The following JAKMIP1 variants were observed in gnomAD, a reference collection of about 807,000 sequenced individuals.
JAKMIP1 encodes the protein janus kinase and microtubule interacting protein 1, also known as janus kinase and microtubule-interacting protein 1.
In JAKMIP1, 33 loss-of-function variants were observed where a neutral mutation model predicts 113.0. The observed-to-expected ratio is 0.29, with a 90% CI of 0.22 to 0.39. JAKMIP1 has a LOEUF of 0.39. Among genes scored for constraint, JAKMIP1 ranks in the 10% least tolerant of loss-of-function variants. JAKMIP1 has a pLI of 1.00. For missense variants in JAKMIP1, 813 were observed against 1,080.5 expected, an observed-to-expected ratio of 0.75 and a Z score of 3.47; for synonymous variants, 480 against 459.9, an observed-to-expected ratio of 1.04 and a Z score of -0.56.
At chr4:6,171,075 AC>A (rs57219329) in intron 1 of JAKMIP1, among the ~76,000 whole-genome samples, 69,968 of 145,690 alleles carry the variant, frequency 0.48, 18,381 homozygotes, top group East Asian at 0.8. Flanking sequence ...CATCACCACC[AC>A]CCCCATTACC....
At position 6,069,613 on chromosome 4, in the gene JAKMIP1, T is replaced by A. The variant is rs1578146711; in HGVS notation, c.1303-4605A>T. On this transcript the variant is annotated intron_variant, in intron 8 of 20. Transcript: ENST00000409021. This position sits in a 1 kb window ranked among gnomAD's most constrained non-coding sequence, Gnocchi z 4.5. ...AAAGTTATTTAAAAAGTTAGCCGAGTATGGTGGCTGACGCCTGTAGTCCCA... is the reference window on the plus strand; with the variant it reads ...AAAGTTATTTAAAAAGTTAGCCGAGAATGGTGGCTGACGCCTGTAGTCCCA... 1.3e-5 allele frequency among the ~76,000 whole-genome samples: 2 copies of A among 151,752 alleles called. No individual in the cohort carries two copies. The highest frequency in any genetic ancestry group is 6.8e-3 in the Middle Eastern group (2 of 294).
intron 8 of JAKMIP1, chr4:6,070,021 A>G: frequency 2.5e-6 from 1 of 398,646 alleles, no homozygotes; most frequent in Non-Finnish European, 4.4e-6. Context: ...ACCGCCAGAG[A>G]ACCTCAAAAC....
intron 16 of JAKMIP1, 109 bp downstream of exon 16, chr4:6,048,748 G>A (rs1715297808): frequency 1.0e-5 from 9 of 862,230 alleles, no homozygotes; most frequent in East Asian, 2.5e-5. Context: ...AGACGCAGAC[G>A]GACTGGAACG....
intron 1 of JAKMIP1, among the ~76,000 whole-genome samples, chr4:6,196,491 GT>G (rs1364281263): frequency 6.6e-6 from 1 of 152,228 alleles, no homozygotes; most frequent in Non-Finnish European, 1.5e-5. Flanking sequence ...TGGGGTCACT[GT>G]CTGAGCCTCC....
In JAKMIP1 at chr4:6,142,586, A is replaced by G. The variant is rs537466656; in HGVS notation, c.-147-29589T>C. On this transcript the variant is annotated intron_variant, in intron 1 of 20. Coordinates refer to ENST00000409021, the MANE Select transcript of JAKMIP1 (RefSeq NM_001099433.2). The surrounding 1 kb of genome is among the most constrained non-coding windows in gnomAD (Gnocchi z 5.5). The stretch of plus-strand genomic sequence containing the variant: ...ATCAGAATTCCAACCCTAAATCCTT[A>G]AAATATAGCTGGAGTCTCTGCTCTC... Among the ~76,000 whole-genome samples, 35 of 152,294 alleles carry G rather than the reference A, an allele frequency of 2.3e-4. No homozygotes were observed. Among genetic ancestry groups the G allele is most frequent in the African/African-American group, 6.7e-4 (28 of 41,562 alleles).
chr4:6,174,158 T>C (rs1489574275), intron 1 of JAKMIP1, among the ~76,000 whole-genome samples: 2 of 152,152 alleles, frequency 1.3e-5, no homozygotes, highest in Non-Finnish European at 2.9e-5. Context: ...TCACCAATCG[T>C]TGCAATAATA....
At position 6,197,446 on chromosome 4, in the gene JAKMIP1, C is replaced by G. The variant is rs1324775521; in HGVS notation, c.-148+2807G>C. On this transcript the variant is annotated intron_variant, in intron 1 of 20. Transcript: ENST00000409021. This position sits in a 1 kb window ranked among gnomAD's most constrained non-coding sequence, Gnocchi z 6.5. ...AAATCGGCTACCTTTGCTCAGAGACCACACCTCTGATCCCCACACCAACCT... is the reference window on the plus strand; with the variant it reads ...AAATCGGCTACCTTTGCTCAGAGACGACACCTCTGATCCCCACACCAACCT... 1.3e-5 allele frequency among the ~76,000 whole-genome samples: 2 copies of G among 152,178 alleles called. No homozygotes were observed. The highest frequency in any genetic ancestry group is 2.4e-5 in the African/African-American group (1 of 41,436).
chr4:6,048,777 A>G, intron 16 of JAKMIP1, 80 bp downstream of exon 16: 1 of 1,216,672 alleles, frequency 8.2e-7, no homozygotes, highest in Non-Finnish European at 1.2e-6. Flanking sequence ...CACGCAAAGC[A>G]AGACGCCAAT....
intron 1 of JAKMIP1, among the ~76,000 whole-genome samples, chr4:6,126,053 C>G (rs577661556): frequency 1.4e-5 from 2 of 142,724 alleles, no homozygotes; most frequent in Non-Finnish European, 3.0e-5. Flanking sequence ...CACACAAACA[C>G]GCACCGTGCA....
intron 10 of JAKMIP1, 25 bp from the exon 11 acceptor site, chr4:6,060,532 G>A (rs1717119416): frequency 3.2e-6 from 5 of 1,583,178 alleles, no homozygotes; most frequent in Non-Finnish European, 3.5e-6. Flanking sequence ...ACCAGGCAGT[G>A]AGCAGGTCAC....
At chr4:6,152,057 C>T (rs11946878) in intron 1 of JAKMIP1, among the ~76,000 whole-genome samples, 44,581 of 147,208 alleles carry the variant, frequency 0.3, 6,770 homozygotes, top group Middle Eastern at 0.33. Flanking sequence ...AGGAAGCAGG[C>T]GAAGGAGGAA....
intron 1 of JAKMIP1, among the ~76,000 whole-genome samples, chr4:6,124,258 G>A (rs892961567): frequency 2.0e-5 from 3 of 152,242 alleles, no homozygotes; most frequent in Admixed American, 2.0e-4. Flanking sequence ...GGGCTCCCAA[G>A]CCCTGTGTCC....
Position 6,044,389 on chromosome 4 carries a change from G to A in JAKMIP1, c.2029-2162C>T, listed in dbSNP as rs150275633. On this transcript the variant is annotated intron_variant, in intron 16 of 20. Transcript: ENST00000409021. This position sits in a 1 kb window ranked among gnomAD's most constrained non-coding sequence, Gnocchi z 4.4. ...TGAACAGAGGGGACTAGAACTGATC[G>A]GCTCCTGCCACAGAACTCCTTCCCT... Among the ~76,000 whole-genome samples, 1 of 151,942 alleles carries A rather than the reference G, an allele frequency of 6.6e-6. No individual in the cohort carries two copies. Among genetic ancestry groups the A allele is most frequent in the Non-Finnish European group, 1.5e-5 (1 of 67,994 alleles).
rs956578465 is a variant in JAKMIP1, at chr4:6,155,913, T to G, written c.-147-42916A>C. On this transcript the variant is annotated intron_variant, in intron 1 of 20. Transcript: ENST00000409021. This position sits in a 1 kb window ranked among gnomAD's most constrained non-coding sequence, Gnocchi z 6.1. ...AATCTTAAGTTTGCACATACATTTT[T>G]CTGTGCGGTAATGTGTGAGAACCGC... Among the ~76,000 whole-genome samples the G allele has an allele frequency of 2.0e-5, 3 of 152,184 alleles. No individual in the cohort carries two copies. Among genetic ancestry groups the G allele is most frequent in the Non-Finnish European group, 2.9e-5 (2 of 68,038 alleles).
chr4:6,081,062 C>T lies in JAKMIP1; in HGVS notation c.1101+547G>A, dbSNP rs957845863. Among the ~76,000 whole-genome samples the T allele has an allele frequency of 1.3e-5, 2 of 151,304 alleles. No homozygotes were observed. The highest frequency in any genetic ancestry group is 1.5e-5 in the Non-Finnish European group (1 of 67,946). The stretch of plus-strand genomic sequence containing the variant: ...AGCAGAGCATGTGTGGTGACAGAGC[C>T]TCCGTCTTCCCGGCTGTGAAGTGGG... On this transcript the variant is annotated intron_variant, in intron 6 of 20. Transcript: ENST00000409021. This position sits in a 1 kb window ranked among gnomAD's most constrained non-coding sequence, Gnocchi z 4.6.
rs1722342640 is a variant in JAKMIP1, at chr4:6,093,312, G to T, written c.625-7683C>A. 6.6e-6 allele frequency among the ~76,000 whole-genome samples: 1 copy of T among 152,152 alleles called. No individual in the cohort carries two copies. Among genetic ancestry groups the T allele is most frequent in the Non-Finnish European group, 1.5e-5 (1 of 68,030 alleles). On this transcript the variant is annotated intron_variant, in intron 3 of 20. Coordinates refer to ENST00000409021, the MANE Select transcript of JAKMIP1 (RefSeq NM_001099433.2). The surrounding 1 kb of genome is among the most constrained non-coding windows in gnomAD (Gnocchi z 4.6). ...CACTCCAGTTAACTGTAAGCGCTTT[G>T]CTGCCTGGAATCGTGTCTTATTTTT... is the stretch of plus-strand genomic sequence containing the variant.
chr4:6,084,887 C>T lies in JAKMIP1; in HGVS notation c.913G>A (p.Glu305Lys). The T allele has an allele frequency of 6.2e-7, 1 of 1,608,156 alleles. No individual in the cohort carries two copies. The highest frequency in any genetic ancestry group is 8.5e-7 in the Non-Finnish European group (1 of 1,178,720). The change falls in exon 5 of 21, where the codon GAA becomes AAA. Residue 305 changes from glutamate to lysine, a missense_variant. Transcript: ENST00000409021. Reference sequence around the variant, plus strand: ...TCTGCCAACAGCGTATTTCTGTCTTCCAGCTTCCGTATCACTGAATTCAGT... The same window carrying T: ...TCTGCCAACAGCGTATTTCTGTCTTTCAGCTTCCGTATCACTGAATTCAGT... The part of the protein sequence containing the change: ...AELNSVIRKL[E>K]DRNTLLADER...
At position 6,031,215 on chromosome 4, in the gene JAKMIP1, C is replaced by T. The variant is rs1358775202; in HGVS notation, c.2380-1434G>A. 2.6e-5 allele frequency among the ~76,000 whole-genome samples: 4 copies of T among 152,166 alleles called. No individual in the cohort carries two copies. The highest frequency in any genetic ancestry group is 2.1e-4 in the South Asian group (1 of 4,804). ...TTGGAGGCCGAGGCAGGTGGATCAC[C>T]GGAGGTCAGGAGTTCAAGACCAGCC... On this transcript the variant is annotated intron_variant, in intron 19 of 20. Coordinates refer to ENST00000409021, the MANE Select transcript of JAKMIP1 (RefSeq NM_001099433.2). This position sits in a 1 kb window ranked among gnomAD's most constrained non-coding sequence, Gnocchi z 4.4.
Position 6,197,998 on chromosome 4 carries a change from A to G in JAKMIP1, c.-148+2255T>C, listed in dbSNP as rs886742934. On this transcript the variant is annotated intron_variant, in intron 1 of 20. Coordinates refer to ENST00000409021, the MANE Select transcript of JAKMIP1 (RefSeq NM_001099433.2). This position sits in a 1 kb window ranked among gnomAD's most constrained non-coding sequence, Gnocchi z 6.5. ...CGCCTGTCCCCATCTCTCCCTGCAC[A>G]TGACTCTCTGACAGCACGGGCAGTG... is the stretch of plus-strand genomic sequence containing the variant. 6.6e-6 allele frequency among the ~76,000 whole-genome samples: 1 copy of G among 152,090 alleles called. No homozygotes were observed. The highest frequency in any genetic ancestry group is 2.4e-5 in the African/African-American group (1 of 41,398).
Sources: allele counts gnomAD v4.1 joint callset (sites outside exome capture counted in the v4.1 genomes callset), GRCh38; gene constraint gnomAD v4.1.1; non-coding constraint Gnocchi (gnomAD v3.1); transcripts MANE v1.5; gene names NCBI Gene and HGNC (gene_info 2026-07-23, HGNC 2026-07-21).